Variants in PECAM1 observed in about 807,000 individuals in gnomAD.
The protein encoded by PECAM1 is platelet and endothelial cell adhesion molecule 1, also known as platelet endothelial cell adhesion molecule.
Under a neutral mutation model 13.8 loss-of-function variants are expected in PECAM1, and 8 were observed. The observed-to-expected ratio is 0.58, with a 90% CI of 0.34 to 1.05. The LOEUF is 1.05. Ranked by LOEUF, PECAM1 falls within the 50% of genes least tolerant of loss-of-function variation. The probability of loss-of-function intolerance (pLI) is 0.03; values close to 1 mark genes in which losing one functional copy is unlikely to be tolerated. For missense variants in PECAM1, 304 were observed against 141.2 expected, an observed-to-expected ratio of 2.15 and a Z score of -5.84; for synonymous variants, 136 against 52.6, an observed-to-expected ratio of 2.58 and a Z score of -6.86.
chr17:64,353,304 GGTACACACACACACACAC>G (rs1193613753), intron 10 of PECAM1, among the ~76,000 whole-genome samples, 169 bp downstream of exon 10: 2 of 144,130 alleles, frequency 1.4e-5, no homozygotes, highest in Non-Finnish European at 3.0e-5. Context: ...CTTCCACGGA[GGTACACACACACACACAC>G]ACACACACAC....
Position 64,323,440 on chromosome 17 carries a change from A to C in PECAM1, c.*376T>G. On this transcript the variant is annotated 3_prime_UTR_variant, in exon 16 of 16. Coordinates refer to ENST00000563924, the MANE Select transcript of PECAM1 (RefSeq NM_000442.5). ...GCGCTAGAAATGATTGAGTATAAAA[A>C]AGAAAATTGGTTTCTGTGTATGAGG... is the stretch of plus-strand genomic sequence containing the variant. 2 of 1,158,770 alleles carry C rather than the reference A, an allele frequency of 1.7e-6. No individual in the cohort carries two copies. Among genetic ancestry groups the C allele is most frequent in the Non-Finnish European group, 2.1e-6 (2 of 933,468 alleles). 71.8% of individuals were successfully genotyped at this position (1,158,770 alleles called of 1,614,324 possible).
intron 12 of PECAM1, among the ~76,000 whole-genome samples, chr17:64,349,250 A>C (rs1244137985): frequency 5.3e-5 from 8 of 152,162 alleles, no homozygotes; most frequent in Non-Finnish European, 1.0e-4. Flanking sequence ...GCCCTAAAGA[A>C]TAGGGATTCT....
intron 11 of PECAM1, 120 bp downstream of exon 11, chr17:64,352,270 G>T (rs1438985668): frequency 4.9e-6 from 2 of 411,060 alleles, no homozygotes; most frequent in Non-Finnish European, 8.9e-6. Flanking sequence ...GTACCCTGTT[G>T]AAGCCAGGGT....
chr17:64,333,317 C>T (rs2035178258), intron 14 of PECAM1, among the ~76,000 whole-genome samples: 1 of 152,090 alleles, frequency 6.6e-6, no homozygotes, highest in African/African-American at 2.4e-5. Context: ...CCTTAAGTCA[C>T]CTCCCAAGAC....
At chr17:64,385,737 G>A (rs907167391) in intron 2 of PECAM1, among the ~76,000 whole-genome samples, 15 of 152,332 alleles carry the variant, frequency 9.8e-5, no homozygotes, top group Non-Finnish European at 1.9e-4. Flanking sequence ...AGGTCAAGGA[G>A]TCTGAAGGAA....
intron 7 of PECAM1, among the ~76,000 whole-genome samples, chr17:64,359,528 A>G (rs2035924410): frequency 6.6e-6 from 1 of 152,174 alleles, no homozygotes; most frequent in Non-Finnish European, 1.5e-5. Flanking sequence ...GTGTATCTGA[A>G]AAGGAGAAAG....
chr17:64,353,054 C>T (rs1320544999), intron 10 of PECAM1, among the ~76,000 whole-genome samples: 3 of 152,066 alleles, frequency 2.0e-5, no homozygotes, highest in African/African-American at 7.2e-5. Context: ...TCTTATCCCA[C>T]GCTACTGTTT....
At chr17:64,362,455 C>G (rs1474613709) in intron 6 of PECAM1, among the ~76,000 whole-genome samples, 1 of 152,064 alleles carries the variant, frequency 6.6e-6, no homozygotes, top group Admixed American at 6.6e-5. Context: ...GGAGACCATC[C>G]TGGCTAACAC....
At chr17:64,371,241 T>C (rs1351702722) in intron 4 of PECAM1, among the ~76,000 whole-genome samples, 3 of 152,000 alleles carry the variant, frequency 2.0e-5, no homozygotes, top group Middle Eastern at 3.2e-3. Flanking sequence ...TGAGGCGCCA[T>C]AAAGAAACAG....
In PECAM1 at chr17:64,323,464, G is replaced by A; in HGVS notation, c.*352C>T. On this transcript the variant is annotated 3_prime_UTR_variant, in exon 16 of 16. Transcript: ENST00000563924. ...AAAGAAAATTGGTTTCTGTGTATGAGGGTGCATGGAAAAGGTCTTTATCTC... is the reference window on the plus strand; with the variant it reads ...AAAGAAAATTGGTTTCTGTGTATGAAGGTGCATGGAAAAGGTCTTTATCTC... 1 of 1,222,942 alleles carries A rather than the reference G, an allele frequency of 8.2e-7. No individual in the cohort carries two copies. The highest frequency in any genetic ancestry group is 1.0e-6 in the Non-Finnish European group (1 of 970,168). The allele number at this position is 1,222,942 out of a possible 1,614,324, so 75.8% of individuals were successfully genotyped here. A position where few individuals can be genotyped will look rare whatever the true frequency, so the allele number is the denominator to read the frequency against.
At chr17:64,353,981 C>T (rs2035792759) in intron 9 of PECAM1, among the ~76,000 whole-genome samples, 1 of 151,076 alleles carries the variant, frequency 6.6e-6, no homozygotes, top group Non-Finnish European at 1.5e-5. Context: ...GCTCTGTTGC[C>T]CAGGCTGGAG....
chr17:64,361,675 C>T (rs2035983868), intron 6 of PECAM1, among the ~76,000 whole-genome samples: 2 of 142,552 alleles, frequency 1.4e-5, no homozygotes, highest in African/African-American at 5.0e-5. Flanking sequence ...ATCGCTTGAA[C>T]CCGGGAGGCA....
intron 2 of PECAM1, chr17:64,390,065 A>AT (rs2036683098): frequency 6.1e-6 from 1 of 163,464 alleles, no homozygotes; most frequent in African/African-American, 2.4e-5. Flanking sequence ...GAAAAAAAAA[A>AT]GAAAATGTGT....
Position 64,360,425 on chromosome 17 carries a change from A to T in PECAM1, c.1217-10T>A. ...GGCTGGGAGAGCATTTCTAGAACAG[A>T]GGGAGAAACAATCCAAAAGGCACTG... On this transcript the variant is annotated splice_polypyrimidine_tract_variant and intron_variant, in intron 6 of 15. Coordinates refer to ENST00000563924, the MANE Select transcript of PECAM1 (RefSeq NM_000442.5). 1 of 475,002 alleles carries T rather than the reference A, an allele frequency of 2.1e-6. No individual in the cohort carries two copies. Among genetic ancestry groups the T allele is most frequent in the African/African-American group, 2.0e-5 (1 of 50,650 alleles). The allele number at this position is 475,002 out of a possible 1,614,324, so 29.4% of individuals were successfully genotyped here.
intron 2 of PECAM1, among the ~76,000 whole-genome samples, chr17:64,386,361 A>AACCACT (rs2036592722): frequency 1.3e-5 from 2 of 150,654 alleles, no homozygotes; most frequent in African/African-American, 2.5e-5. Context: ...GCTGAGATCC[A>AACCACT]ACCACTGCAC....
chr17:64,330,695 A>C (rs2035089563), intron 14 of PECAM1, among the ~76,000 whole-genome samples: 1 of 151,778 alleles, frequency 6.6e-6, no homozygotes, highest in Non-Finnish European at 1.5e-5. Flanking sequence ...AACTATGGAA[A>C]GTAGGAAGTA....
chr17:64,351,820 G>A (rs1297267372), intron 11 of PECAM1, among the ~76,000 whole-genome samples: 1 of 152,232 alleles, frequency 6.6e-6, no homozygotes, highest in Non-Finnish European at 1.5e-5. Flanking sequence ...CTGCTGAAAT[G>A]CTTGAGCAAT....
At position 64,320,672 on chromosome 17, in the gene PECAM1, T is replaced by C. The variant is rs1366246207; in HGVS notation, c.*3144A>G. On this transcript the variant is annotated 3_prime_UTR_variant, in exon 16 of 16. Coordinates refer to ENST00000563924, the MANE Select transcript of PECAM1 (RefSeq NM_000442.5). The stretch of plus-strand genomic sequence containing the variant: ...GTCTGCATCTCTACTGGGTTGTACC[T>C]TCCAGGAGGACAGCTGCCATGTGAC... 6 of 152,276 alleles carry C rather than the reference T, an allele frequency of 3.9e-5. No homozygotes were observed. Among genetic ancestry groups the C allele is most frequent in the Non-Finnish European group, 7.3e-5 (5 of 68,076 alleles). The allele number at this position is 152,276 out of a possible 1,614,324, so 9.4% of individuals were successfully genotyped here. A position where few individuals can be genotyped will look rare whatever the true frequency, so the allele number is the denominator to read the frequency against.
chr17:64,375,215 T>C lies in PECAM1; in HGVS notation c.527A>G (p.Lys176Arg). 2.1e-6 allele frequency: 1 copy of C among 475,404 alleles called. No individual in the cohort carries two copies. The highest frequency in any genetic ancestry group is 3.9e-6 in the Non-Finnish European group (1 of 259,060). The allele number at this position is 475,404 out of a possible 1,614,324, so 29.4% of individuals were successfully genotyped here. A position where few individuals can be genotyped will look rare whatever the true frequency, so the allele number is the denominator to read the frequency against. ...TCGAGAATTCTTCTCTCTTTTCAGC[T>C]TGACCATTTTTTCATTTAGTTCAAG... ...EKLELNEKMV[K>R]LKREKNSRDQ... The change falls in exon 4 of 16, where the codon AAG becomes AGG. Residue 176 changes from lysine (K) to arginine (R), a missense_variant. Lys to Arg is a conservative substitution (Grantham distance 26, BLOSUM62 2). Coordinates refer to ENST00000563924, the MANE Select transcript of PECAM1 (RefSeq NM_000442.5).
Sources: allele counts gnomAD v4.1 joint callset (sites outside exome capture counted in the v4.1 genomes callset), GRCh38; gene constraint gnomAD v4.1.1; transcripts MANE v1.5; gene names NCBI Gene and HGNC (gene_info 2026-07-23, HGNC 2026-07-21).